Variants in SLC45A4 observed in about 807,000 individuals in gnomAD.
The protein encoded by SLC45A4 is solute carrier family 45 member 4.
In SLC45A4, 32 loss-of-function variants were observed where a neutral mutation model predicts 63.7. The ratio of observed to expected loss-of-function variants is 0.50; its 90% CI spans 0.38 to 0.67. SLC45A4 has a LOEUF of 0.67. Ranked by LOEUF, SLC45A4 falls within the 30% of genes least tolerant of loss-of-function variation. SLC45A4 has a pLI of 0.00. For synonymous variants in SLC45A4, 535 were observed against 510.0 expected, an observed-to-expected ratio of 1.05 and a Z score of -0.66; for missense variants, 1,027 against 1,157.7, an observed-to-expected ratio of 0.89 and a Z score of 1.64.
rs1474797414 is a variant in SLC45A4, at chr8:141,210,900, A to ATAGC, written c.*668_*671dup. ...ACTGTGGTTTGGAAAACATTTCCAA[A>ATAGC]TAGCTGCAGTACTTGCCCGAGTTTT... On this transcript the variant is annotated 3_prime_UTR_variant, in exon 9 of 9. Transcript: ENST00000517878. 6.6e-6 allele frequency: 1 copy of ATAGC among 152,440 alleles called. No homozygotes were observed. The highest frequency in any genetic ancestry group is 2.4e-5 in the African/African-American group (1 of 41,474). The allele number at this position is 152,440 out of a possible 1,614,324, so 9.4% of individuals were successfully genotyped here.
chr8:141,223,283 C>T (rs1826770208), intron 2 of SLC45A4, among the ~76,000 whole-genome samples: 2 of 152,190 alleles, frequency 1.3e-5, no homozygotes, highest in Admixed American at 6.5e-5. Context: ...TTTCAGGAAA[C>T]GAGAAGTATG....
chr8:141,296,836 CAAAAAAAA>C (rs34267017), intron 1 of SLC45A4, among the ~76,000 whole-genome samples: 2 of 77,276 alleles, frequency 2.6e-5, no homozygotes, highest in African/African-American at 6.1e-5. Flanking sequence ...ACTCCATTGC[CAAAAAAAA>C]AAAAAAAAAA....
rs1337502982 is a variant in SLC45A4, at chr8:141,278,365, C to T, written c.-400-23736G>A. The T allele has an allele frequency of 6.6e-6, 1 of 152,650 alleles. No homozygotes were observed. Among genetic ancestry groups the T allele is most frequent in the East Asian group, 1.9e-4 (1 of 5,208 alleles). The allele number at this position is 152,650 out of a possible 1,614,324, so 9.5% of individuals were successfully genotyped here. ...TTGGCGAGACTGGGTGAGCACAACC[C>T]ATAAGGACACTAGCGGGACAGGGGT... On this transcript the variant is annotated intron_variant, in intron 1 of 8. Coordinates refer to ENST00000517878, the MANE Select transcript of SLC45A4 (RefSeq NM_001286646.2). This position sits in a 1 kb window ranked among gnomAD's most constrained non-coding sequence, Gnocchi z 4.1.
chr8:141,222,051 C>T (rs1379041833), intron 2 of SLC45A4, among the ~76,000 whole-genome samples: 1 of 152,224 alleles, frequency 6.6e-6, no homozygotes, highest in Non-Finnish European at 1.5e-5. Flanking sequence ...GGGCAGCACA[C>T]ACTGACTGTG....
At chr8:141,216,942 C>A (rs1826190287) in intron 6 of SLC45A4, 148 bp downstream of exon 6, 1 of 717,906 alleles carries the variant, frequency 1.4e-6, no homozygotes, top group African/African-American at 1.8e-5. Context: ...TTCGATGCTT[C>A]TCCCCAAGGG....
In SLC45A4 at chr8:141,244,765, C is replaced by A. The variant is rs1224625026; in HGVS notation, c.241+9224G>T. On this transcript the variant is annotated intron_variant, in intron 2 of 8. Coordinates refer to ENST00000517878, the MANE Select transcript of SLC45A4 (RefSeq NM_001286646.2). ...CTCAAACATACTGAATGTGACAGAC[C>A]CTGGAGTTGTCCAGTGTGACACCGA... Among the ~76,000 whole-genome samples, 4 of 152,006 alleles carry A rather than the reference C, an allele frequency of 2.6e-5. No homozygotes were observed. The East Asian group carries it at 7.7e-4, about 29-fold the overall frequency.
At chr8:141,287,160 A>C (rs1439552627) in intron 1 of SLC45A4, among the ~76,000 whole-genome samples, 4 of 152,156 alleles carry the variant, frequency 2.6e-5, no homozygotes, top group Non-Finnish European at 5.9e-5. Flanking sequence ...CCACACACGA[A>C]GGTGTGTGTA....
At chr8:141,223,475 C>T (rs1246144801) in intron 2 of SLC45A4, among the ~76,000 whole-genome samples, 2 of 152,204 alleles carry the variant, frequency 1.3e-5, no homozygotes, top group Non-Finnish European at 2.9e-5. Context: ...GAATGGGAAG[C>T]GGTCATTACT....
At chr8:141,236,715 C>A (rs1401603304) in intron 2 of SLC45A4, among the ~76,000 whole-genome samples, 1 of 152,232 alleles carries the variant, frequency 6.6e-6, no homozygotes, top group East Asian at 1.9e-4. Context: ...CTAAAACTTA[C>A]TTTCACAAAA....
At chr8:141,261,122 A>C (rs1829024492) in intron 1 of SLC45A4, among the ~76,000 whole-genome samples, 1 of 152,202 alleles carries the variant, frequency 6.6e-6, no homozygotes, top group South Asian at 2.1e-4. Context: ...CAAAGACAAA[A>C]ACCACATGAT....
intron 1 of SLC45A4, among the ~76,000 whole-genome samples, chr8:141,285,585 C>T (rs1830108685): frequency 6.6e-6 from 1 of 152,208 alleles, no homozygotes; most frequent in Admixed American, 6.5e-5. Flanking sequence ...GTCTGCACTC[C>T]ACCCACTGCA....
At chr8:141,249,477 G>A (rs1019734116) in intron 2 of SLC45A4, among the ~76,000 whole-genome samples, 2 of 152,222 alleles carry the variant, frequency 1.3e-5, no homozygotes, top group African/African-American at 4.8e-5. Flanking sequence ...CAGACCATAC[G>A]CTGTGTGATT....
At chr8:141,240,791 T>C (rs1431387175) in intron 2 of SLC45A4, among the ~76,000 whole-genome samples, 1 of 152,200 alleles carries the variant, frequency 6.6e-6, no homozygotes, top group Non-Finnish European at 1.5e-5. Flanking sequence ...GACACTGTGA[T>C]TGGATCCTAG....
intron 2 of SLC45A4, among the ~76,000 whole-genome samples, chr8:141,236,301 T>G (rs1827624271): frequency 6.6e-6 from 1 of 152,248 alleles, no homozygotes; most frequent in Non-Finnish European, 1.5e-5. Context: ...CGCCCAGCCC[T>G]GACTGCCTTC....
At chr8:141,283,358 A>T (rs1039322897) in intron 1 of SLC45A4, among the ~76,000 whole-genome samples, 1 of 152,158 alleles carries the variant, frequency 6.6e-6, no homozygotes, top group Admixed American at 6.5e-5. Context: ...CAGGCCCAAC[A>T]GTCTCACGTC....
At chr8:141,263,754 A>C (rs963845880) in intron 1 of SLC45A4, among the ~76,000 whole-genome samples, 27 of 147,278 alleles carry the variant, frequency 1.8e-4, no homozygotes, top group African/African-American at 6.8e-4. Flanking sequence ...TGGGCGACAG[A>C]GCAAGACTCC....
chr8:141,212,832 C>G (rs1212091660), intron 7 of SLC45A4, among the ~76,000 whole-genome samples: 1 of 152,204 alleles, frequency 6.6e-6, no homozygotes, highest in African/African-American at 2.4e-5. Flanking sequence ...AATCTGGCCT[C>G]CAGTCTCAAG....
intron 2 of SLC45A4, among the ~76,000 whole-genome samples, chr8:141,247,686 A>G (rs1828283788): frequency 6.6e-6 from 1 of 152,228 alleles, no homozygotes; most frequent in Non-Finnish European, 1.5e-5. Context: ...TGCTGGGATT[A>G]CAGGTGTGAG....
chr8:141,217,085 C>A lies in SLC45A4; in HGVS notation c.1729+5G>T. ...GAGTGCTGACCTGACTTGGGGAGCT[C>A]TTACCTGAACAAATAGCACCAGTGG... On this transcript the variant is annotated splice_donor_5th_base_variant and intron_variant, in intron 6 of 8. Transcript: ENST00000517878. 6.2e-7 allele frequency: 1 copy of A among 1,613,762 alleles called. No individual in the cohort carries two copies. Among genetic ancestry groups the A allele is most frequent in the Non-Finnish European group, 8.5e-7 (1 of 1,179,944 alleles).
Sources: allele counts gnomAD v4.1 joint callset (sites outside exome capture counted in the v4.1 genomes callset), GRCh38; gene constraint gnomAD v4.1.1; non-coding constraint Gnocchi (gnomAD v3.1); transcripts MANE v1.5; gene names NCBI Gene and HGNC (gene_info 2026-07-23, HGNC 2026-07-21).